ABL1: variants seen among roughly 807,000 people sequenced by gnomAD.
ABL1 encodes tyrosine-protein kinase ABL1.
In ABL1, 11 loss-of-function variants were observed where a neutral mutation model predicts 94.7. The observed-to-expected ratio is 0.12, with a 90% CI of 0.07 to 0.19. The LOEUF (loss-of-function observed/expected upper bound fraction) is 0.19, where lower values mean the gene tolerates loss of function less well. Among genes scored for constraint, ABL1 ranks in the 10% least tolerant of loss-of-function variants. The pLI, the probability that ABL1 is intolerant of heterozygous loss-of-function variation, is 1.00. For synonymous variants in ABL1, 656 were observed against 622.4 expected (o/e 1.05, Z -0.80); for missense variants, 1,082 against 1,489.4 (o/e 0.73, Z 4.50).
intron 1 of ABL1, among the ~76,000 whole-genome samples, chr9:130,745,656 GTTCTT>G (rs1831879437): frequency 6.6e-6 from 1 of 151,974 alleles, no homozygotes; most frequent in Non-Finnish European, 1.5e-5. Flanking sequence ...TTTAGCCTGA[GTTCTT>G]TTAATAACAG....
intron 1 of ABL1, among the ~76,000 whole-genome samples, chr9:130,821,625 T>C (rs1187682765): frequency 6.6e-6 from 1 of 151,966 alleles, no homozygotes; most frequent in African/African-American, 2.4e-5. Flanking sequence ...TACATTTTCA[T>C]TTCTCTAGGG....
intron 3 of ABL1, among the ~76,000 whole-genome samples, chr9:130,859,407 A>T (rs1432137749): frequency 6.6e-6 from 1 of 152,152 alleles, no homozygotes; most frequent in Non-Finnish European, 1.5e-5. Context: ...GTGGCTCAGC[A>T]GGCGTAGGCC....
chr9:130,812,225 T>TAAAA (rs1564297501), intron 1 of ABL1, among the ~76,000 whole-genome samples: 1 of 142,858 alleles, frequency 7.0e-6, no homozygotes. Flanking sequence ...AAAAAAAAAT[T>TAAAA]AGCCAGGTGT....
At chr9:130,778,550 T>C (rs1829701965) in intron 1 of ABL1, among the ~76,000 whole-genome samples, 1 of 152,076 alleles carries the variant, frequency 6.6e-6, no homozygotes, top group African/African-American at 2.4e-5. Context: ...ACTCCCTTCC[T>C]CCACTGCACT....
At chr9:130,798,740 G>A (rs910335998) in intron 1 of ABL1, among the ~76,000 whole-genome samples, 14 of 151,988 alleles carry the variant, frequency 9.2e-5, no homozygotes, top group Non-Finnish European at 1.8e-4. Flanking sequence ...AGGCTGAGGC[G>A]GGTGGATCAC....
At position 130,884,611 on chromosome 9, in the gene ABL1, A is replaced by G. The variant is rs1240528199; in HGVS notation, c.2321A>G (p.Gln774Arg). Residue 774 changes from glutamine (Q) to arginine (R), a missense_variant, in exon 11 of 11, where the codon CAG (glutamine) becomes CGG (arginine). By Grantham distance (43) the Gln-to-Arg change is conservative (BLOSUM62 1). Coordinates refer to ENST00000318560, the MANE Select transcript of ABL1 (RefSeq NM_005157.6). This position sits in a 1 kb window ranked among gnomAD's most constrained non-coding sequence, Gnocchi z 5.6. Reference sequence around the variant, plus strand: ...AGGGCAGGGGAGAACAGGTCTGACCAGGTGACCCGAGGCACAGTAACGCCT... The same window carrying G: ...AGGGCAGGGGAGAACAGGTCTGACCGGGTGACCCGAGGCACAGTAACGCCT... ...RKRAGENRSD[Q>R]VTRGTVTPPP... 2 of 1,613,422 alleles carry G rather than the reference A, an allele frequency of 1.2e-6. No individual in the cohort carries two copies. The highest frequency in any genetic ancestry group is 1.7e-5 in the Admixed American group (1 of 60,034).
At chr9:130,818,728 C>T (rs1830321656) in intron 1 of ABL1, among the ~76,000 whole-genome samples, 1 of 152,224 alleles carries the variant, frequency 6.6e-6, no homozygotes, top group Non-Finnish European at 1.5e-5. Context: ...ATTTGTTCAA[C>T]AGATAGCCTC....
chr9:130,766,314 C>G (rs1163048662), intron 1 of ABL1, among the ~76,000 whole-genome samples: 3 of 152,202 alleles, frequency 2.0e-5, no homozygotes, highest in African/African-American at 7.2e-5. Context: ...AGATGCCTTA[C>G]TGTAGGCCCA....
intron 1 of ABL1, among the ~76,000 whole-genome samples, chr9:130,759,378 G>T (rs1356981257): frequency 1.3e-5 from 2 of 152,146 alleles, no homozygotes; most frequent in East Asian, 3.9e-4. Context: ...TGCACTGTAC[G>T]TTTCATTAGC....
intron 1 of ABL1, 65 bp from the exon 2 acceptor site, chr9:130,853,999 A>C: frequency 6.6e-7 from 1 of 1,522,200 alleles, no homozygotes. Context: ...CTGAGAATAA[A>C]ACTAATTTTT....
chr9:130,861,152 A>T (rs1831065371), intron 3 of ABL1, among the ~76,000 whole-genome samples: 1 of 152,188 alleles, frequency 6.6e-6, no homozygotes, highest in African/African-American at 2.4e-5. Flanking sequence ...CCTGTCTTGC[A>T]GAGGGATAAG....
rs1013674833 is a variant in ABL1, at chr9:130,862,398, G to A, written c.550-365G>A. Among the ~76,000 whole-genome samples, 5 of 152,106 alleles carry A rather than the reference G, an allele frequency of 3.3e-5. No individual in the cohort carries two copies. The highest frequency in any genetic ancestry group is 7.2e-5 in the African/African-American group (3 of 41,408). ...AGTAAGACAGGTGGTAGGATGACCC[G>A]TGCCGTGTGATGACTTTAGATTGGG... is the stretch of plus-strand genomic sequence containing the variant. On this transcript the variant is annotated intron_variant, in intron 3 of 10. Transcript: ENST00000318560. This position sits in a 1 kb window ranked among gnomAD's most constrained non-coding sequence, Gnocchi z 5.5.
chr9:130,812,200 C>CAAAAAAAAAAAAA (rs35352789), intron 1 of ABL1, among the ~76,000 whole-genome samples: 1 of 48,776 alleles, frequency 2.1e-5, no homozygotes, highest in African/African-American at 6.3e-5. Flanking sequence ...TCCATCTCTA[C>CAAAAAAAAAAAAA]AAAAAAAAAA....
chr9:130,753,407 CTTTTTTTTTCTTTTCT>C (rs1831993474), intron 1 of ABL1, among the ~76,000 whole-genome samples: 1 of 139,844 alleles, frequency 7.2e-6, no homozygotes, highest in African/African-American at 2.7e-5. Flanking sequence ...CTCATCTCTT[CTTTTTTTTTCTTTTCT>C]TTTTTTTTTT....
rs1160510906 is a variant in ABL1 at position 130,799,763 on chromosome 9, TC to T, written c.137-54299del. Among the ~76,000 whole-genome samples, 4 of 152,314 alleles carry T rather than the reference TC, an allele frequency of 2.6e-5. No individual in the cohort carries two copies. In the East Asian group the frequency reaches 7.7e-4, roughly 29 times the overall value. On this transcript the variant is annotated intron_variant, in intron 1 of 10. Coordinates refer to the ABL1 transcript ENST00000372348. The stretch of plus-strand genomic sequence containing the variant: ...TGCCAATAGTAACTCCTCGGAGACT[TC>T]CAGGGAACTCTGTCAATCAAAAAAA...
intron 1 of ABL1, among the ~76,000 whole-genome samples, chr9:130,764,534 T>C (rs1362157637): frequency 2.0e-5 from 3 of 152,214 alleles, no homozygotes; most frequent in African/African-American, 7.2e-5. Flanking sequence ...TCGATAAACC[T>C]GGACACCTGT....
intron 1 of ABL1, among the ~76,000 whole-genome samples, chr9:130,822,795 G>T (rs990666684): frequency 2.0e-5 from 3 of 151,350 alleles, no homozygotes; most frequent in Admixed American, 2.0e-4. Context: ...TGTATTGTGG[G>T]TACAAGTTCT....
rs750137749 is a variant in ABL1 at position 130,885,320 on chromosome 9, G to A, written c.3030G>A (p.Val1010=). 2.0e-5 allele frequency: 32 copies of A among 1,613,518 alleles called. No homozygotes were observed. Among genetic ancestry groups the A allele is most frequent in the African/African-American group, 5.3e-5 (4 of 74,936 alleles). ...TAFIPLISTR[V]SLRKTRQPPE... ...TCATCCCTCTCATATCAACCCGAGTGTCTCTTCGGAAAACCCGCCAGCCTC... is the reference window on the plus strand; with the variant it reads ...TCATCCCTCTCATATCAACCCGAGTATCTCTTCGGAAAACCCGCCAGCCTC... The change falls in exon 11 of 11, where the codon GTG becomes GTA. Residue 1010 remains valine (V), a synonymous_variant. Transcript: ENST00000318560.
chr9:130,780,879 C>T (rs1237330069), intron 1 of ABL1, among the ~76,000 whole-genome samples: 2 of 152,162 alleles, frequency 1.3e-5, no homozygotes, highest in African/African-American at 4.8e-5. Flanking sequence ...ATTGTTTTGC[C>T]TGTTGAAGAA....
Sources: gnomAD v4.1 joint callset for allele counts (sites outside exome capture counted in the v4.1 genomes callset) on GRCh38, gnomAD v4.1.1 for gene constraint, Gnocchi (gnomAD v3.1) non-coding constraint, MANE v1.5 for transcripts, NCBI Gene and HGNC (gene_info 2026-07-23, HGNC 2026-07-21) for gene names.